Variants in LDLRAD4 observed in about 807,000 individuals in gnomAD.
LDLRAD4 encodes low-density lipoprotein receptor class A domain-containing protein 4.
A neutral mutation model predicts 17.0 loss-of-function variants in LDLRAD4; 5 were observed. That is an observed-to-expected ratio of 0.29 (90% CI 0.15 to 0.62). The LOEUF (loss-of-function observed/expected upper bound fraction) is 0.62. Ranked by LOEUF, LDLRAD4 falls within the 20% of genes least tolerant of loss-of-function variation. The pLI is 0.84. For missense variants in LDLRAD4, 340 were observed against 424.7 expected (o/e 0.80, Z 1.75); for synonymous variants, 168 against 171.8 (o/e 0.98, Z 0.17).
chr18:13,346,444 G>C (rs1158816327), intron 1 of LDLRAD4, among the ~76,000 whole-genome samples: 1 of 152,192 alleles, frequency 6.6e-6, no homozygotes, highest in Non-Finnish European at 1.5e-5. Context: ...CTGAGAGACA[G>C]TTTGTTAAAA....
At chr18:13,652,640 A>C (rs1407108896) in exon 6 of LDLRAD4, 1 of 152,664 alleles carries the variant, frequency 6.6e-6, no homozygotes, top group Non-Finnish European at 1.5e-5. Flanking sequence ...ATACTTTTAA[A>C]GAAAGATGTT....
At chr18:13,533,147 C>A (rs956702310) in intron 3 of LDLRAD4, among the ~76,000 whole-genome samples, 2 of 152,196 alleles carry the variant, frequency 1.3e-5, no homozygotes, top group African/African-American at 4.8e-5. Context: ...GACAAGGTCC[C>A]TGCCCCTCAC....
exon 2 of LDLRAD4, chr18:13,387,512 G>T (rs1038295583): frequency 3.9e-6 from 2 of 508,048 alleles, no homozygotes; most frequent in South Asian, 4.3e-5. Flanking sequence ...GACGGCTGAC[G>T]GGAGCAGGGA....
chr18:13,647,826 G>A lies in LDLRAD4; in HGVS notation c.*2169G>A, dbSNP rs2043073077. On this transcript the variant is annotated 3_prime_UTR_variant, in exon 6 of 6. Transcript: ENST00000359446. ...AGTGGAGGTTCTGAGACTGGATTCA[G>A]TCTTGTTCCAGTGACAGTTGGAAGG... 2.0e-5 allele frequency: 3 copies of A among 152,262 alleles called. No individual in the cohort carries two copies. The South Asian group carries it at 6.2e-4, about 32-fold the overall frequency. The allele number at this position is 152,262 out of a possible 1,614,324, so 9.4% of individuals were successfully genotyped here.
At position 13,310,488 on chromosome 18, in the gene LDLRAD4, C is replaced by T. The variant is rs114630997; in HGVS notation, c.-383+32300C>T. ...GACAGTCCTTGCCCTAGAGGTTTTG[C>T]GGTATAATCTAATCAGAGAGGCCAG... On this transcript the variant is annotated intron_variant, in intron 1 of 5. Coordinates refer to ENST00000359446, the Ensembl canonical transcript of LDLRAD4. Among the ~76,000 whole-genome samples the T allele has an allele frequency of 1.0e-2, 1,517 of 152,244 alleles. 23 individuals are homozygous for T. Among genetic ancestry groups the T allele is most frequent in the African/African-American group, 0.034 (1,418 of 41,538 alleles).
intron 3 of LDLRAD4, among the ~76,000 whole-genome samples, chr18:13,590,342 T>C (rs1288777852): frequency 6.6e-6 from 1 of 151,704 alleles, no homozygotes; most frequent in Non-Finnish European, 1.5e-5. Flanking sequence ...GGGGTAAGTG[T>C]GTGTGTGTGC....
chr18:13,352,851 T>C (rs1445518671), intron 1 of LDLRAD4, among the ~76,000 whole-genome samples: 2 of 152,182 alleles, frequency 1.3e-5, no homozygotes, highest in Non-Finnish European at 2.9e-5. Flanking sequence ...CTTTTACCTG[T>C]TTGAGTTTGC....
At chr18:13,498,280 G>A (rs896775614) in intron 3 of LDLRAD4, among the ~76,000 whole-genome samples, 17 of 138,312 alleles carry the variant, frequency 1.2e-4, no homozygotes, top group Non-Finnish European at 2.3e-4. Context: ...CCACACACAC[G>A]TCCCACTGTG....
At chr18:13,337,831 A>G (rs541195031) in intron 1 of LDLRAD4, among the ~76,000 whole-genome samples, 332 of 151,982 alleles carry the variant, frequency 2.2e-3, no homozygotes, top group African/African-American at 7.8e-3. Flanking sequence ...ACTGCTCTCC[A>G]GTCTGGGTGA....
chr18:13,434,897 G>A (rs2090555938), intron 2 of LDLRAD4, among the ~76,000 whole-genome samples: 2 of 152,256 alleles, frequency 1.3e-5, no homozygotes, highest in Non-Finnish European at 2.9e-5. Context: ...TTCTCCATCT[G>A]CGCTGCCCAT....
At chr18:13,561,710 G>T (rs547976750) in intron 3 of LDLRAD4, 1 of 152,220 alleles carries the variant, frequency 6.6e-6, no homozygotes, top group Non-Finnish European at 1.5e-5. Context: ...GTGTAGGATT[G>T]ATACCAACAT....
intron 3 of LDLRAD4, among the ~76,000 whole-genome samples, chr18:13,456,434 G>C (rs2092138854): frequency 6.6e-6 from 1 of 152,166 alleles, no homozygotes; most frequent in South Asian, 2.1e-4. Context: ...CGCTATCCAG[G>C]CCCTCTCCAC....
At chr18:13,480,595 C>T (rs1007789757) in intron 3 of LDLRAD4, among the ~76,000 whole-genome samples, 1 of 152,244 alleles carries the variant, frequency 6.6e-6, no homozygotes, top group Non-Finnish European at 1.5e-5. Context: ...GTCCATCAAG[C>T]GTAATGATGC....
intron 3 of LDLRAD4, among the ~76,000 whole-genome samples, chr18:13,604,792 A>T (rs776684773): frequency 1.3e-5 from 2 of 152,212 alleles, no homozygotes; most frequent in Non-Finnish European, 2.9e-5. Flanking sequence ...GCAGATTTCT[A>T]TCCCCCTTCA....
At chr18:13,616,135 G>C (rs985640592) in intron 3 of LDLRAD4, 3 of 152,062 alleles carry the variant, frequency 2.0e-5, no homozygotes, top group African/African-American at 7.3e-5. Flanking sequence ...TCCTTTCTGT[G>C]GATGCTGGGC....
intron 3 of LDLRAD4, among the ~76,000 whole-genome samples, chr18:13,457,195 A>G (rs1443974803): frequency 6.6e-6 from 1 of 152,232 alleles, no homozygotes; most frequent in Non-Finnish European, 1.5e-5. Context: ...GGGTTCTCAC[A>G]ACCCCCTTGC....
intron 4 of LDLRAD4, among the ~76,000 whole-genome samples, chr18:13,633,219 A>G (rs1224231052): frequency 1.3e-5 from 2 of 152,234 alleles, no homozygotes; most frequent in Non-Finnish European, 2.9e-5. Context: ...AGGATTTTTA[A>G]TGAGCTCAAA....
At chr18:13,433,229 C>T (rs1332907670) in intron 2 of LDLRAD4, among the ~76,000 whole-genome samples, 1 of 152,180 alleles carries the variant, frequency 6.6e-6, no homozygotes, top group Admixed American at 6.5e-5. Flanking sequence ...AATGTAAGTA[C>T]ATGGAAAAGG....
rs1424499893 is a variant in LDLRAD4 at position 13,271,045 on chromosome 18, A to G, written c.-466-7060A>G. Among the ~76,000 whole-genome samples, 4 of 152,346 alleles carry G rather than the reference A, an allele frequency of 2.6e-5. 1 individual carries two copies. The South Asian group carries it at 6.2e-4, about 24-fold the overall frequency. On this transcript the variant is annotated intron_variant, in intron 1 of 5. Coordinates refer to the LDLRAD4 transcript ENST00000399848. The stretch of plus-strand genomic sequence containing the variant: ...CAGAGGAAAGATCAAACATAGTTTA[A>G]TGGAGGAGAACGACCAATAATATAT...
Sources: allele counts gnomAD v4.1 joint callset (sites outside exome capture counted in the v4.1 genomes callset), GRCh38; gene constraint gnomAD v4.1.1; transcripts MANE v1.5; gene names NCBI Gene and HGNC (gene_info 2026-07-23, HGNC 2026-07-21).